The following EXTL2 variants were observed in gnomAD, a reference collection of about 807,000 sequenced individuals.
The protein encoded by EXTL2 is exostosin like glycosyltransferase 2, also known as exostosin-like 2.
A neutral mutation model predicts 30.7 loss-of-function variants in EXTL2; 23 were observed. The observed-to-expected ratio is 0.75, with a 90% CI of 0.54 to 1.06. The LOEUF (loss-of-function observed/expected upper bound fraction) is 1.06, where lower values mean the gene tolerates loss of function less well. Ranked by LOEUF, EXTL2 falls within the 50% of genes least tolerant of loss-of-function variation. The pLI is 0.00. For synonymous variants in EXTL2, 123 were observed against 133.8 expected, an observed-to-expected ratio of 0.92 and a Z score of 0.56; for missense variants, 352 against 396.3, an observed-to-expected ratio of 0.89 and a Z score of 0.95.
intron 4 of EXTL2, among the ~76,000 whole-genome samples, chr1:100,875,352 G>A (rs1350900844): frequency 6.6e-6 from 1 of 151,894 alleles, no homozygotes; most frequent in African/African-American, 2.4e-5. Flanking sequence ...ATACAATACT[G>A]TGAGAAAGTT....
intron 1 of EXTL2, among the ~76,000 whole-genome samples, chr1:100,891,095 A>G (rs1018772893): frequency 3.9e-5 from 6 of 152,232 alleles, no homozygotes; most frequent in African/African-American, 1.4e-4. Flanking sequence ...TTTTGTTAAG[A>G]ATATGTTTAT....
At chr1:100,886,943 T>A (rs1186528900) in intron 2 of EXTL2, among the ~76,000 whole-genome samples, 2 of 152,194 alleles carry the variant, frequency 1.3e-5, no homozygotes, top group Non-Finnish European at 2.9e-5. Flanking sequence ...GAGAGAGGCC[T>A]TATTCCTAAG....
chr1:100,885,381 A>T (rs1410817202), intron 2 of EXTL2, among the ~76,000 whole-genome samples: 1 of 152,262 alleles, frequency 6.6e-6, no homozygotes, highest in Non-Finnish European at 1.5e-5. Flanking sequence ...TTAGCAGGTC[A>T]TGATAACCGG....
intron 2 of EXTL2, among the ~76,000 whole-genome samples, chr1:100,882,369 C>CG (rs1327611803): frequency 1.3e-5 from 2 of 152,206 alleles, no homozygotes; most frequent in African/African-American, 4.8e-5. Flanking sequence ...TGACCTAACA[C>CG]GGCAATAATG....
rs748051556 is a variant in EXTL2, at chr1:100,888,724, A to G, written c.5+29T>C. ...TGTTATACGTATTTTACAACAGTTA[A>G]ACAAAAGCCAAAAAATATTGGTACT... is the stretch of plus-strand genomic sequence containing the variant. On this transcript the variant is annotated intron_variant, in intron 2 of 4. Transcript: ENST00000370114. 5 of 1,401,054 alleles carry G rather than the reference A, an allele frequency of 3.6e-6. No homozygotes were observed. In the South Asian group the frequency reaches 4.9e-5, roughly 14 times the overall value. 86.8% of individuals were successfully genotyped at this position (1,401,054 alleles called of 1,614,324 possible).
At chr1:100,885,458 T>C (rs1168657066) in intron 2 of EXTL2, 1 of 152,150 alleles carries the variant, frequency 6.6e-6, no homozygotes, top group Non-Finnish European at 1.5e-5. Context: ...TCTTACTTGG[T>C]TGAGAAAAGA....
chr1:100,877,671 A>G lies in EXTL2; in HGVS notation c.238T>C (p.Leu80=), dbSNP rs368330271. The G allele has an allele frequency of 1.8e-5, 29 of 1,613,538 alleles. No homozygotes were observed. The highest frequency in any genetic ancestry group is 2.3e-5 in the Non-Finnish European group (27 of 1,179,720). ...GCCTGATAATGATTTAAAAGTTTCA[A>G]TAAGAGATCTGTTCTGTTGTACGTC... ...MQTYNRTDLL[L]KLLNHYQAVP... Residue 80 remains leucine, a synonymous_variant, in exon 3 of 5, where the codon TTG becomes CTG. Coordinates refer to ENST00000370114, the MANE Select transcript of EXTL2 (RefSeq NM_001033025.3). The surrounding 1 kb of genome is among the most constrained non-coding windows in gnomAD (Gnocchi z 4.1).
In EXTL2 at chr1:100,874,140, C is replaced by T; in HGVS notation, c.795G>A (p.Lys265=). The T allele has an allele frequency of 6.2e-7, 1 of 1,612,988 alleles. No individual in the cohort carries two copies. The highest frequency in any genetic ancestry group is 1.1e-5 in the South Asian group (1 of 91,044). ...TTTCCAAATTGTCCATGTTTACAGG[C>T]TTCACAAATATCCCTGAAGTCTTGC... ...HIGKTSGIFV[K]PVNMDNLEKE... The change falls in exon 5 of 5, where the codon AAG becomes AAA. Residue 265 remains lysine, a synonymous_variant. Transcript: ENST00000370114.
chr1:100,888,733 C>T lies in EXTL2; in HGVS notation c.5+20G>A, dbSNP rs1650170155. 1 of 1,464,114 alleles carries T rather than the reference C, an allele frequency of 6.8e-7. No individual in the cohort carries two copies. Among genetic ancestry groups the T allele is most frequent in the African/African-American group, 1.4e-5 (1 of 71,270 alleles). The allele number at this position is 1,464,114 out of a possible 1,614,324, so 90.7% of individuals were successfully genotyped here. ...TATTTTACAACAGTTAAACAAAAGC[C>T]AAAAAATATTGGTACTTACCTCATT... is the stretch of plus-strand genomic sequence containing the variant. On this transcript the variant is annotated intron_variant, in intron 2 of 4. Coordinates refer to ENST00000370114, the MANE Select transcript of EXTL2 (RefSeq NM_001033025.3).
intron 2 of EXTL2, among the ~76,000 whole-genome samples, chr1:100,884,814 T>C (rs1433318573): frequency 1.3e-5 from 2 of 152,192 alleles, no homozygotes; most frequent in African/African-American, 4.8e-5. Flanking sequence ...ATTTCAACTA[T>C]CGACTGTTCT....
chr1:100,875,794 T>C (rs1207681334), intron 4 of EXTL2, among the ~76,000 whole-genome samples: 1 of 152,106 alleles, frequency 6.6e-6, no homozygotes, highest in African/African-American at 2.4e-5. Flanking sequence ...GTCCCCATAT[T>C]CTGCCTCCAT....
rs555628658 is a variant in EXTL2 at position 100,886,262 on chromosome 1, T to C, written c.5+2491A>G. On this transcript the variant is annotated intron_variant, in intron 2 of 4. Coordinates refer to ENST00000370114, the MANE Select transcript of EXTL2 (RefSeq NM_001033025.3). Reference sequence around the variant, plus strand: ...AGTTCTGAAACAATTGCTAAAATATTGAGAAGTAGCTACACAAACTTCAGT... The same window carrying C: ...AGTTCTGAAACAATTGCTAAAATATCGAGAAGTAGCTACACAAACTTCAGT... Among the ~76,000 whole-genome samples the C allele has an allele frequency of 7.2e-5, 11 of 152,362 alleles. No individual in the cohort carries two copies. The East Asian group carries it at 2.1e-3, about 29-fold the overall frequency.
downstream of EXTL2, chr1:100,872,386 A>C (rs544954646): frequency 6.6e-6 from 1 of 152,638 alleles, no homozygotes; most frequent in African/African-American, 2.4e-5. Context: ...CACAGAACAC[A>C]TGGATGGCAA....
chr1:100,889,157 C>G (rs973472224), intron 1 of EXTL2, among the ~76,000 whole-genome samples: 2 of 152,172 alleles, frequency 1.3e-5, no homozygotes, highest in African/African-American at 4.8e-5. Flanking sequence ...TTCCACATGG[C>G]TAGGGAGGCC....
chr1:100,884,994 A>T (rs1319892320), intron 2 of EXTL2, among the ~76,000 whole-genome samples: 1 of 152,232 alleles, frequency 6.6e-6, no homozygotes, highest in East Asian at 1.9e-4. Context: ...TGCCTGAAAC[A>T]TTAACAGAAT....
In EXTL2 at chr1:100,894,787, C is replaced by G. The variant is rs1002039319; in HGVS notation, c.-226G>C. 2.6e-5 allele frequency: 4 copies of G among 152,032 alleles called. No individual in the cohort carries two copies. The highest frequency in any genetic ancestry group is 7.3e-5 in the African/African-American group (3 of 41,328). The allele number at this position is 152,032 out of a possible 1,614,324, so 9.4% of individuals were successfully genotyped here. A position where few individuals can be genotyped will look rare whatever the true frequency, so the allele number is the denominator to read the frequency against. On this transcript the variant is annotated 5_prime_UTR_variant, in exon 1 of 5. Coordinates refer to ENST00000370114, the MANE Select transcript of EXTL2 (RefSeq NM_001033025.3). ...CTTCTCCATTAGCTGGATTAACAAC[C>G]TGGAAAAAGTGCCGCCCGCAAAGTG... is the stretch of plus-strand genomic sequence containing the variant.
chr1:100,877,858 T>C lies in EXTL2; in HGVS notation c.51A>G (p.Arg17=), dbSNP rs1402503201. The change falls in exon 3 of 5, where the codon CGA becomes CGG. Residue 17 remains arginine (R), a synonymous_variant. Coordinates refer to ENST00000370114, the MANE Select transcript of EXTL2 (RefSeq NM_001033025.3). The surrounding 1 kb of genome is among the most constrained non-coding windows in gnomAD (Gnocchi z 4.1). ...TGACCACCAAAGATAATCGAAGCAC[T>C]CGAATCCCCATTACTCTCCCAGGAA... ...CKLPGRVMGI[R]VLRLSLVVIL... is the part of the protein sequence containing the mutation. The C allele has an allele frequency of 6.3e-7, 1 of 1,599,894 alleles. No homozygotes were observed. Among genetic ancestry groups the C allele is most frequent in the East Asian group, 2.2e-5 (1 of 44,832 alleles).
chr1:100,878,708 T>A (rs1649324175), intron 2 of EXTL2, among the ~76,000 whole-genome samples: 3 of 152,086 alleles, frequency 2.0e-5, no homozygotes, highest in African/African-American at 7.2e-5. Context: ...TAATTTATTA[T>A]TTATTATTAT....
At chr1:100,891,154 T>G (rs1470766853) in intron 1 of EXTL2, among the ~76,000 whole-genome samples, 2 of 152,232 alleles carry the variant, frequency 1.3e-5, no homozygotes, top group Non-Finnish European at 2.9e-5. Flanking sequence ...ATATTTCCCC[T>G]CTTTTTCCTG....
Sources: gnomAD v4.1 joint callset for allele counts (sites outside exome capture counted in the v4.1 genomes callset) on GRCh38, gnomAD v4.1.1 for gene constraint, Gnocchi (gnomAD v3.1) non-coding constraint, MANE v1.5 for transcripts, NCBI Gene and HGNC (gene_info 2026-07-23, HGNC 2026-07-21) for gene names.